BRCC3: variants seen among roughly 807,000 people sequenced by gnomAD.
BRCC3 encodes lys-63-specific deubiquitinase BRCC36.
A neutral mutation model predicts 28.0 loss-of-function variants in BRCC3; 15 were observed. The observed-to-expected ratio is 0.54, with a 90% CI of 0.36 to 0.82. BRCC3 has a LOEUF of 0.82. Among genes scored for constraint, BRCC3 ranks in the 40% least tolerant of loss-of-function variants. BRCC3 has a pLI of 0.01. For missense variants in BRCC3, 109 were observed against 225.9 expected (o/e 0.48, Z 3.32); for synonymous variants, 66 against 80.3 (o/e 0.82, Z 0.95).
chrX:155,095,755 G>T (rs782368930), intron 7 of BRCC3, among the ~76,000 whole-genome samples: 1 of 111,839 alleles, frequency 8.9e-6, no homozygotes, highest in Non-Finnish European at 1.9e-5. Context: ...TCCATTCATG[G>T]TAAGTGCCCT....
Position 155,116,773 on chromosome X carries a change from G to C in BRCC3, c.724+19G>C. On this transcript the variant is annotated intron_variant, in intron 9 of 10. Transcript: ENST00000330045. Reference sequence around the variant, plus strand: ...GGCTCAGGTAAGAATTGTTTCTTGAGTACTCAGCATTTTTTCTGACTATTT... The same window carrying C: ...GGCTCAGGTAAGAATTGTTTCTTGACTACTCAGCATTTTTTCTGACTATTT... 8.9e-7 allele frequency: 1 copy of C among 1,122,451 alleles called. No homozygotes were observed. Among genetic ancestry groups the C allele is most frequent in the East Asian group, 3.1e-5 (1 of 32,266 alleles). The allele number at this position is 1,122,451 out of a possible 1,213,427, so 92.5% of individuals were successfully genotyped here.
chrX:155,081,789 T>C (rs1557294208), intron 5 of BRCC3, among the ~76,000 whole-genome samples: 1 of 111,873 alleles, frequency 8.9e-6, no homozygotes, highest in East Asian at 2.8e-4. Flanking sequence ...GTTTTGAACA[T>C]AATTTAAAGG....
In BRCC3 at chrX:155,104,472, T is replaced by G. The variant is rs192925236; in HGVS notation, c.549-11585T>G. 1.1e-4 allele frequency among the ~76,000 whole-genome samples: 12 copies of G among 112,459 alleles called. No individual in the cohort carries two copies. In the Admixed American group the frequency reaches 1.1e-3, roughly 11 times the overall value. ...CTTTTTAATACTCTGATGCTTCCAA[T>G]ATTATGAGATTTTCCATTCGGACTG... On this transcript the variant is annotated intron_variant, in intron 7 of 10. Coordinates refer to ENST00000330045, the MANE Select transcript of BRCC3 (RefSeq NM_001018055.3).
intron 7 of BRCC3, among the ~76,000 whole-genome samples, chrX:155,105,265 T>C (rs1333344351): frequency 1.8e-5 from 2 of 111,596 alleles, no homozygotes; most frequent in Non-Finnish European, 3.8e-5. Flanking sequence ...CGTGGATCAC[T>C]TGAGGTCAGG....
intron 7 of BRCC3, among the ~76,000 whole-genome samples, chrX:155,110,648 C>T (rs1216792942): frequency 9.1e-6 from 1 of 110,405 alleles, no homozygotes; most frequent in Non-Finnish European, 1.9e-5. Flanking sequence ...CCTTTAAGCA[C>T]TGCTTTGGGT....
intron 3 of BRCC3, among the ~76,000 whole-genome samples, chrX:155,074,172 G>A (rs1299141641): frequency 8.9e-6 from 1 of 112,085 alleles, no homozygotes; most frequent in Non-Finnish European, 1.9e-5. Context: ...CAAATGTTCT[G>A]TCTCTTTTCT....
At chrX:155,097,997 G>A (rs2074222058) in intron 7 of BRCC3, among the ~76,000 whole-genome samples, 1 of 111,653 alleles carries the variant, frequency 9.0e-6, no homozygotes, top group East Asian at 2.8e-4. Flanking sequence ...AAGGAAGCAG[G>A]GTCTCTAAGA....
intron 9 of BRCC3, among the ~76,000 whole-genome samples, chrX:155,118,039 C>T (rs2074367693): frequency 8.9e-6 from 1 of 112,230 alleles, no homozygotes; most frequent in Admixed American, 9.4e-5. Context: ...GGCAATTATA[C>T]TTGCCAAATG....
At chrX:155,115,561 C>T (rs995306918) in intron 7 of BRCC3, among the ~76,000 whole-genome samples, 1 of 112,383 alleles carries the variant, frequency 8.9e-6, no homozygotes, top group Non-Finnish European at 1.9e-5. Flanking sequence ...TTACCTATTT[C>T]CCCCCAGGGG....
In BRCC3 at chrX:155,076,245, C is replaced by T. The variant is rs781957698; in HGVS notation, c.196-925C>T. Among the ~76,000 whole-genome samples, 8 of 110,620 alleles carry T rather than the reference C, an allele frequency of 7.2e-5. No individual in the cohort carries two copies. The East Asian group carries it at 8.5e-4, about 12-fold the overall frequency. On this transcript the variant is annotated intron_variant, in intron 3 of 10. Transcript: ENST00000330045. ...ATGGCTACCAAAAAATACAAAAAGC[C>T]GGGCATGGTGGCGTGTGCCTGTAAT...
In BRCC3 at chrX:155,121,968, AAG is replaced by A. The variant is rs2074390476; in HGVS notation, c.*765_*766del. The A allele has an allele frequency of 9.0e-6, 1 of 110,805 alleles. No individual in the cohort carries two copies. Among genetic ancestry groups the A allele is most frequent in the East Asian group, 2.8e-4 (1 of 3,529 alleles). 9.1% of individuals were successfully genotyped at this position (110,805 alleles called of 1,213,427 possible). A position where few individuals can be genotyped will look rare whatever the true frequency, so the allele number is the denominator to read the frequency against. Reference sequence around the variant, plus strand: ...ATAGTGAGACTCTTGTCTCTACAAAAAGTTTTTTTAAAAAATTAACTGGGCAC... The same window carrying A: ...ATAGTGAGACTCTTGTCTCTACAAAATTTTTTTAAAAAATTAACTGGGCAC... On this transcript the variant is annotated 3_prime_UTR_variant, in exon 11 of 11. Coordinates refer to ENST00000330045, the MANE Select transcript of BRCC3 (RefSeq NM_001018055.3).
intron 7 of BRCC3, among the ~76,000 whole-genome samples, chrX:155,105,017 A>T (rs1036336205): frequency 2.7e-5 from 3 of 112,273 alleles, no homozygotes; most frequent in Non-Finnish European, 5.6e-5. Context: ...TTTCCATTTT[A>T]GGATTTTTTT....
chrX:155,080,608 A>G (rs2074078402), intron 5 of BRCC3, among the ~76,000 whole-genome samples: 1 of 112,630 alleles, frequency 8.9e-6, no homozygotes, highest in African/African-American at 3.2e-5. Flanking sequence ...AACAAGAATT[A>G]GAATATGCAA....
chrX:155,109,019 T>C (rs2074302261), intron 7 of BRCC3, among the ~76,000 whole-genome samples: 1 of 111,899 alleles, frequency 8.9e-6, no homozygotes, highest in Non-Finnish European at 1.9e-5. Flanking sequence ...CTTTAGGATA[T>C]GATGTGGGAT....
Position 155,115,656 on chromosome X carries a change from A to T in BRCC3, c.549-401A>T, listed in dbSNP as rs781817830. Reference sequence around the variant, plus strand: ...CCTACATAATGAATGTGATGGAGTCATTGAAGAGTCTGTAGTTCCTCTTCT... The same window carrying T: ...CCTACATAATGAATGTGATGGAGTCTTTGAAGAGTCTGTAGTTCCTCTTCT... On this transcript the variant is annotated intron_variant, in intron 7 of 10. Coordinates refer to ENST00000330045, the MANE Select transcript of BRCC3 (RefSeq NM_001018055.3). Among the ~76,000 whole-genome samples the T allele has an allele frequency of 3.9e-4, 44 of 112,523 alleles. 1 individual carries two copies. The highest frequency in any genetic ancestry group is 1.0e-3 in the African/African-American group (32 of 30,977).
At chrX:155,085,995 A>G (rs1475374034) in intron 5 of BRCC3, among the ~76,000 whole-genome samples, 7 of 111,514 alleles carry the variant, frequency 6.3e-5, no homozygotes, top group Non-Finnish European at 1.3e-4. Flanking sequence ...AGCGCTCTCG[A>G]TATGAGTTTT....
Position 155,073,446 on chromosome X carries a change from A to G in BRCC3, c.195+15A>G, listed in dbSNP as rs371411951. On this transcript the variant is annotated intron_variant, in intron 3 of 10. Coordinates refer to ENST00000330045, the MANE Select transcript of BRCC3 (RefSeq NM_001018055.3). ...TTGCTGAAAAGGTATGTGTGCTAAA[A>G]TTTTGCATGATGGAAACTTGCAGTT... The G allele has an allele frequency of 8.6e-7, 1 of 1,165,462 alleles. No homozygotes were observed.
rs782118912 is a variant in BRCC3, at chrX:155,071,541, T to C, written c.14T>C (p.Val5Ala). Reference sequence around the variant, plus strand: ...GGTCGGGCCAAGATGGCGGTGCAGGTGGTGCAGGCGGTGCAGGCGGTTCAT... The same window carrying C: ...GGTCGGGCCAAGATGGCGGTGCAGGCGGTGCAGGCGGTGCAGGCGGTTCAT... MAVQ[V>A]VQAVQAVHLE... Residue 5 changes from valine to alanine, a missense_variant, in exon 1 of 11, where the codon GTG becomes GCG. Around this residue, in one of 3 missense-constraint regions of BRCC3, gnomAD observed 58 missense variants for 92.8 expected, o/e 0.63. Coordinates refer to ENST00000330045, the MANE Select transcript of BRCC3 (RefSeq NM_001018055.3). The C allele has an allele frequency of 1.1e-4, 129 of 1,203,922 alleles. No homozygotes were observed. Among genetic ancestry groups the C allele is most frequent in the Non-Finnish European group, 1.3e-4 (118 of 891,920 alleles).
intron 9 of BRCC3, among the ~76,000 whole-genome samples, chrX:155,118,373 T>C (rs1263740677): frequency 9.0e-6 from 1 of 111,237 alleles, no homozygotes; most frequent in Non-Finnish European, 1.9e-5. Flanking sequence ...TAATCTATGG[T>C]GTGGTAGCTG....
Sources: gnomAD v4.1 joint callset for allele counts (sites outside exome capture counted in the v4.1 genomes callset) on GRCh38, gnomAD v4.1.1 for gene constraint, gnomAD v4.1.1 regional missense constraint, MANE v1.5 for transcripts, NCBI Gene and HGNC (gene_info 2026-07-23, HGNC 2026-07-21) for gene names.